Variants in CDKAL1 observed in about 807,000 individuals in gnomAD.
The protein encoded by CDKAL1 is threonylcarbamoyladenosine tRNA methylthiotransferase.
A neutral mutation model predicts 68.2 loss-of-function variants in CDKAL1; 32 were observed. That is an observed-to-expected ratio of 0.47 (90% CI 0.35 to 0.63). The LOEUF (loss-of-function observed/expected upper bound fraction) is 0.63. Ranked by LOEUF, CDKAL1 falls within the 30% of genes least tolerant of loss-of-function variation. CDKAL1 has a pLI of 0.00. For missense variants in CDKAL1, 606 were observed against 696.7 expected, an observed-to-expected ratio of 0.87 and a Z score of 1.47; for synonymous variants, 234 against 244.3, an observed-to-expected ratio of 0.96 and a Z score of 0.39.
At chr6:20,875,478 T>C (rs1477625371) in intron 9 of CDKAL1, among the ~76,000 whole-genome samples, 1 of 152,108 alleles carries the variant, frequency 6.6e-6, no homozygotes, top group Non-Finnish European at 1.5e-5. Flanking sequence ...TTCCCACTCT[T>C]ATAAAATGTT....
intron 4 of CDKAL1, among the ~76,000 whole-genome samples, chr6:20,616,609 T>C (rs1430577596): frequency 1.0e-4 from 15 of 148,352 alleles, no homozygotes; most frequent in Non-Finnish European, 1.8e-4. Context: ...TAAGAATGCT[T>C]GTGATTTTTG....
At chr6:21,145,597 T>G (rs1776125813) in intron 13 of CDKAL1, among the ~76,000 whole-genome samples, 1 of 152,240 alleles carries the variant, frequency 6.6e-6, no homozygotes. Context: ...CAATCTGTGA[T>G]GTTAGGGAAT....
At chr6:21,105,281 A>G (rs1773790538) in intron 12 of CDKAL1, among the ~76,000 whole-genome samples, 1 of 152,242 alleles carries the variant, frequency 6.6e-6, no homozygotes, top group African/African-American at 2.4e-5. Flanking sequence ...TTACTGATAC[A>G]TCTTTGCTCT....
rs60342057 is a variant in CDKAL1, at chr6:21,069,804, T to TTAAAAA, written c.1236+4576_1236+4577insTAAAAA. Among the ~76,000 whole-genome samples, 70 of 85,514 alleles carry TTAAAAA rather than the reference T, an allele frequency of 8.2e-4. 7 individuals are homozygous for TTAAAAA. Among genetic ancestry groups the TTAAAAA allele is most frequent in the East Asian group, 7.3e-3 (18 of 2,468 alleles). 56.1% of individuals were successfully genotyped at this position (85,514 alleles called of 152,430 possible). A position where few individuals can be genotyped will look rare whatever the true frequency, so the allele number is the denominator to read the frequency against. On this transcript the variant is annotated intron_variant, in intron 12 of 15. Coordinates refer to ENST00000274695, the MANE Select transcript of CDKAL1 (RefSeq NM_017774.3). ...TTTTTTTTTTTTTTTTTTTTTTTTT[T>TTAAAAA]AAAACAGAGCCTTGCTCTGTCACCC...
intron 11 of CDKAL1, among the ~76,000 whole-genome samples, chr6:21,058,040 G>C (rs1409889234): frequency 6.6e-6 from 1 of 152,208 alleles, no homozygotes; most frequent in Non-Finnish European, 1.5e-5. Flanking sequence ...AGCTGATCCA[G>C]AGCTGAGTTT....
intron 13 of CDKAL1, among the ~76,000 whole-genome samples, chr6:21,131,685 G>A (rs1266152689): frequency 6.6e-6 from 1 of 152,094 alleles, no homozygotes. Context: ...AAGCTAGATG[G>A]CTACTCTAAA....
chr6:20,643,879 C>T (rs953081480), intron 4 of CDKAL1, among the ~76,000 whole-genome samples: 1 of 152,062 alleles, frequency 6.6e-6, no homozygotes, highest in African/African-American at 2.4e-5. Flanking sequence ...GGCTGGAGTG[C>T]AGTGGTGCAA....
At chr6:20,630,501 CT>C (rs11327958) in intron 4 of CDKAL1, among the ~76,000 whole-genome samples, 128,203 of 149,798 alleles carry the variant, frequency 0.86, 54,827 homozygotes, top group Middle Eastern at 0.93. Context: ...GCTTTTTCAC[CT>C]TTTTTTTTTT....
chr6:21,125,180 A>G (rs778892259), intron 13 of CDKAL1, among the ~76,000 whole-genome samples: 4 of 152,140 alleles, frequency 2.6e-5, no homozygotes, highest in Admixed American at 1.3e-4. Context: ...CATGGGGGCA[A>G]TTTCCCCTGT....
intron 8 of CDKAL1, 33 bp from the exon 9 acceptor site, chr6:20,846,042 T>A: frequency 7.3e-7 from 1 of 1,378,234 alleles, no homozygotes; most frequent in Non-Finnish European, 1.0e-6. Flanking sequence ...TCTTTAGAAA[T>A]TTGAGTCTTA....
At chr6:20,916,494 C>G (rs144519487) in intron 9 of CDKAL1, among the ~76,000 whole-genome samples, 163 of 152,122 alleles carry the variant, frequency 1.1e-3, no homozygotes, top group Non-Finnish European at 1.8e-3. Context: ...AGCACTGAAG[C>G]GGGACTGAAC....
chr6:20,958,907 AC>A (rs1433373368), intron 10 of CDKAL1, among the ~76,000 whole-genome samples: 2 of 152,180 alleles, frequency 1.3e-5, no homozygotes, highest in Non-Finnish European at 2.9e-5. Flanking sequence ...AAGAAAAAAA[AC>A]CAAACAGTTT....
At chr6:21,205,761 G>A (rs1778894991) in intron 15 of CDKAL1, among the ~76,000 whole-genome samples, 1 of 149,036 alleles carries the variant, frequency 6.7e-6, no homozygotes, top group Non-Finnish European at 1.5e-5. Context: ...TCGATCTCCT[G>A]ACCTCGTGAT....
intron 10 of CDKAL1, among the ~76,000 whole-genome samples, chr6:20,973,164 T>C (rs2150757581): frequency 6.6e-6 from 1 of 152,238 alleles, no homozygotes; most frequent in South Asian, 2.1e-4. Context: ...AATTGATATA[T>C]GTAGAATGCT....
intron 11 of CDKAL1, among the ~76,000 whole-genome samples, chr6:21,022,849 G>C (rs1201822082): frequency 6.6e-6 from 1 of 152,154 alleles, no homozygotes; most frequent in African/African-American, 2.4e-5. Context: ...CAGGAAGTGC[G>C]TTACTATTCA....
At chr6:20,549,329 C>T (rs1021511221) in intron 4 of CDKAL1, among the ~76,000 whole-genome samples, 8 of 152,082 alleles carry the variant, frequency 5.3e-5, no homozygotes, top group Non-Finnish European at 1.0e-4. Context: ...AGAAGCGATA[C>T]TATATTTTTC....
intron 5 of CDKAL1, among the ~76,000 whole-genome samples, chr6:20,731,539 A>G (rs954781892): frequency 6.6e-6 from 1 of 152,172 alleles, no homozygotes; most frequent in Non-Finnish European, 1.5e-5. Context: ...AACTTGCACA[A>G]ATGACTTGAT....
At chr6:20,902,290 TAAAG>T (rs1762027029) in intron 9 of CDKAL1, among the ~76,000 whole-genome samples, 1 of 149,078 alleles carries the variant, frequency 6.7e-6, no homozygotes, top group South Asian at 2.1e-4. Context: ...AGAGGCTACT[TAAAG>T]AAATCACGTG....
At chr6:20,686,417 G>A (rs1335849139) in intron 5 of CDKAL1, among the ~76,000 whole-genome samples, 2 of 152,144 alleles carry the variant, frequency 1.3e-5, no homozygotes, top group East Asian at 1.9e-4. Context: ...ACAGGAGCAC[G>A]AACCCTATTG....
Sources: gnomAD v4.1 joint callset for allele counts (sites outside exome capture counted in the v4.1 genomes callset) on GRCh38, gnomAD v4.1.1 for gene constraint, MANE v1.5 for transcripts, NCBI Gene and HGNC (gene_info 2026-07-23, HGNC 2026-07-21) for gene names.